Variants in EXOC4 observed in about 807,000 individuals in gnomAD.
EXOC4 encodes the protein SEC8-like 1.
Under a neutral mutation model 107.2 loss-of-function variants are expected in EXOC4, and 71 were observed. The observed-to-expected ratio is 0.66, with a 90% CI of 0.55 to 0.81. The LOEUF is 0.81. Ranked by LOEUF, EXOC4 falls within the 30% of genes least tolerant of loss-of-function variation. The pLI is 0.00. For missense variants in EXOC4, 1,108 were observed against 1,189.6 expected (o/e 0.93, Z 1.01); for synonymous variants, 456 against 441.2 (o/e 1.03, Z -0.42).
chr7:134,045,935 G>T (rs573530710), intron 17 of EXOC4, among the ~76,000 whole-genome samples: 1 of 152,244 alleles, frequency 6.6e-6, no homozygotes, highest in South Asian at 2.1e-4. Context: ...TATAAAATTA[G>T]CACTTGTCTT....
At chr7:133,796,264 G>A (rs1480331493) in intron 10 of EXOC4, among the ~76,000 whole-genome samples, 1 of 152,110 alleles carries the variant, frequency 6.6e-6, no homozygotes. Flanking sequence ...ACATCATTTG[G>A]ATCCCAGACT....
At chr7:133,442,363 TA>T (rs1798124171) in intron 7 of EXOC4, among the ~76,000 whole-genome samples, 1 of 152,206 alleles carries the variant, frequency 6.6e-6, no homozygotes, top group South Asian at 2.1e-4. Context: ...ATTGGTGGGA[TA>T]ATTTATTCAT....
chr7:133,633,260 G>A (rs1802632080), intron 10 of EXOC4, among the ~76,000 whole-genome samples: 1 of 152,118 alleles, frequency 6.6e-6, no homozygotes, highest in Non-Finnish European at 1.5e-5. Context: ...TGACATGATT[G>A]AGAAATCACA....
intron 9 of EXOC4, among the ~76,000 whole-genome samples, chr7:133,566,340 T>A (rs1800906002): frequency 6.6e-6 from 1 of 151,782 alleles, no homozygotes; most frequent in Non-Finnish European, 1.5e-5. Context: ...GGCTTTAGAG[T>A]TATTTCTCAT....
intron 7 of EXOC4, among the ~76,000 whole-genome samples, chr7:133,399,552 T>G (rs1220696232): frequency 6.6e-6 from 1 of 152,220 alleles, no homozygotes; most frequent in African/African-American, 2.4e-5. Flanking sequence ...ATTATAAAAC[T>G]AATTTCTGTA....
At chr7:134,043,035 C>T (rs989017722) in intron 17 of EXOC4, among the ~76,000 whole-genome samples, 2 of 152,162 alleles carry the variant, frequency 1.3e-5, no homozygotes, top group Non-Finnish European at 2.9e-5. Flanking sequence ...ATTAAGACTC[C>T]GTCTCAATCA....
At chr7:133,780,187 A>C (rs1796433942) in intron 10 of EXOC4, among the ~76,000 whole-genome samples, 1 of 152,036 alleles carries the variant, frequency 6.6e-6, no homozygotes, top group Admixed American at 6.6e-5. Flanking sequence ...ATTTCTAGTC[A>C]TGAAGCAGTG....
In EXOC4 at chr7:133,317,266, G is replaced by C. The variant is rs1325830487; in HGVS notation, c.657-18G>C. 1.3e-6 allele frequency: 2 copies of C among 1,575,358 alleles called. No homozygotes were observed. Among genetic ancestry groups the C allele is most frequent in the Non-Finnish European group, 1.7e-6 (2 of 1,145,264 alleles). On this transcript the variant is annotated intron_variant, in intron 4 of 17. Coordinates refer to ENST00000253861, the MANE Select transcript of EXOC4 (RefSeq NM_021807.4). ...GGTTTTGAAGAAAGTGGTAACTAGT[G>C]CTTCTTTTCCCGTTCAGCTCCCTCG...
At chr7:133,506,730 T>G (rs1329023129) in intron 9 of EXOC4, among the ~76,000 whole-genome samples, 3 of 152,104 alleles carry the variant, frequency 2.0e-5, no homozygotes, top group Non-Finnish European at 4.4e-5. Flanking sequence ...TCATTTAATA[T>G]TACCATTTTT....
rs35334259 is a variant in EXOC4 at position 133,412,278 on chromosome 7, G to GTT, written c.1182+37298_1182+37299dup. On this transcript the variant is annotated intron_variant, in intron 7 of 17. Transcript: ENST00000253861. ...ATCTGGTCAATACTGTCAGAATTCA[G>GTT]TTTTTTTTTTTTTTTTTTTTTTTGC... Among the ~76,000 whole-genome samples, 345 of 71,466 alleles carry GTT rather than the reference G, an allele frequency of 4.8e-3. 42 individuals are homozygous for GTT. Among genetic ancestry groups the GTT allele is most frequent in the African/African-American group, 0.011 (201 of 18,674 alleles). 46.9% of individuals were successfully genotyped at this position (71,466 alleles called of 152,430 possible).
At chr7:133,816,672 G>C (rs1002635028) in intron 10 of EXOC4, among the ~76,000 whole-genome samples, 1 of 152,210 alleles carries the variant, frequency 6.6e-6, no homozygotes, top group African/African-American at 2.4e-5. Context: ...CCACGGACAA[G>C]GGTTGGGGGA....
chr7:134,089,800 CT>C, the EXOC4 span, among the ~76,000 whole-genome samples: 2 of 152,216 alleles, frequency 1.3e-5, no homozygotes, highest in East Asian at 3.9e-4. Context: ...CATAAAGTCT[CT>C]TTTCTTTATA....
chr7:133,693,795 G>A (rs1794472306), intron 10 of EXOC4, among the ~76,000 whole-genome samples: 1 of 152,148 alleles, frequency 6.6e-6, no homozygotes, highest in African/African-American at 2.4e-5. Context: ...TAAGAGGAAG[G>A]GGAAGCAGGA....
chr7:133,467,629 C>T (rs1280587876), intron 7 of EXOC4, among the ~76,000 whole-genome samples: 1 of 141,406 alleles, frequency 7.1e-6, no homozygotes, highest in South Asian at 2.3e-4. Flanking sequence ...TGTCAGTGTA[C>T]TCCCTTTCCA....
At chr7:134,056,204 A>G (rs982340952) in intron 17 of EXOC4, among the ~76,000 whole-genome samples, 1 of 152,072 alleles carries the variant, frequency 6.6e-6, no homozygotes, top group Non-Finnish European at 1.5e-5. Context: ...AATCAGAAAG[A>G]CTCTCTAAAG....
intron 14 of EXOC4, among the ~76,000 whole-genome samples, chr7:133,971,353 TATATATATAGAGAGAGAGAG>T (rs1801222059): frequency 2.9e-5 from 3 of 102,328 alleles, no homozygotes; most frequent in East Asian, 3.1e-4. Flanking sequence ...TATATATATA[TATATATATAGAGAGAGAGAG>T]AGAGAGAGAG....
At chr7:133,742,453 C>T (rs1390927998) in intron 10 of EXOC4, among the ~76,000 whole-genome samples, 1 of 152,096 alleles carries the variant, frequency 6.6e-6, no homozygotes, top group Non-Finnish European at 1.5e-5. Context: ...ATTATGTTTG[C>T]TTAAAGTGAA....
intron 10 of EXOC4, among the ~76,000 whole-genome samples, chr7:133,812,236 AG>A (rs1407106034): frequency 6.6e-6 from 1 of 152,198 alleles, no homozygotes; most frequent in African/African-American, 2.4e-5. Context: ...TAAAAACCGC[AG>A]CAGCACCATT....
chr7:133,498,652 A>C (rs933319111), intron 9 of EXOC4, among the ~76,000 whole-genome samples: 1 of 152,270 alleles, frequency 6.6e-6, no homozygotes, highest in East Asian at 1.9e-4. Context: ...AACTGCCATC[A>C]TCTCTTGGTT....
Sources: gnomAD v4.1 joint callset for allele counts (sites outside exome capture counted in the v4.1 genomes callset) on GRCh38, gnomAD v4.1.1 for gene constraint, MANE v1.5 for transcripts, NCBI Gene and HGNC (gene_info 2026-07-23, HGNC 2026-07-21) for gene names.